TXNDC11: variants seen among roughly 807,000 people sequenced by gnomAD.
The protein encoded by TXNDC11 is thioredoxin domain-containing protein 11.
TXNDC11 carries 68 observed loss-of-function variants against 78.0 expected under a neutral mutation model. The observed-to-expected ratio is 0.87, with a 90% CI of 0.72 to 1.07. The LOEUF (loss-of-function observed/expected upper bound fraction) is 1.07. Ranked by LOEUF, TXNDC11 falls within the 50% of genes least tolerant of loss-of-function variation. TXNDC11 has a pLI of 0.00. For missense variants in TXNDC11, 1,389 were observed against 1,221.8 expected (o/e 1.14, Z -2.04); for synonymous variants, 571 against 495.2 (o/e 1.15, Z -2.03).
At chr16:11,725,701 A>G (rs2051857101) in intron 4 of TXNDC11, among the ~76,000 whole-genome samples, 1 of 152,250 alleles carries the variant, frequency 6.6e-6, no homozygotes, top group Non-Finnish European at 1.5e-5. Flanking sequence ...TGAAAACTGA[A>G]GAGCACTTCA....
chr16:11,728,817 T>A (rs1013559724), intron 4 of TXNDC11, among the ~76,000 whole-genome samples: 1 of 150,958 alleles, frequency 6.6e-6, no homozygotes, highest in Admixed American at 6.6e-5. Context: ...CTGGCCAACA[T>A]GGTGAAACCC....
rs1207056013 is a variant in TXNDC11, at chr16:11,679,379, A to G, written c.2693T>C (p.Val898Ala). The G allele has an allele frequency of 6.2e-7, 1 of 1,610,636 alleles. No homozygotes were observed. Among genetic ancestry groups the G allele is most frequent in the East Asian group, 2.2e-5 (1 of 44,812 alleles). Residue 898 changes from valine to alanine, a missense_variant, in exon 12 of 12, where the codon GTG becomes GCG. Physicochemically the swap from Val to Ala is moderately conservative, Grantham distance 64 (BLOSUM62 0). Coordinates refer to ENST00000283033, the MANE Select transcript of TXNDC11 (RefSeq NM_015914.7). This position sits in a 1 kb window ranked among gnomAD's most constrained non-coding sequence, Gnocchi z 4.6. ...LTENTWLKIL[V>A]ATMERKLEGR... Reference sequence around the variant, plus strand: ...CTCCAGTTTCCTCTCCATGGTCGCCACCAGGATCTTGAGCCACGTGTTCTC... The same window carrying G: ...CTCCAGTTTCCTCTCCATGGTCGCCGCCAGGATCTTGAGCCACGTGTTCTC...
At chr16:11,733,370 A>G (rs1344045123) in intron 3 of TXNDC11, among the ~76,000 whole-genome samples, 1 of 152,012 alleles carries the variant, frequency 6.6e-6, no homozygotes, top group Non-Finnish European at 1.5e-5. Context: ...CTAAAAATAC[A>G]AAAAAAATTA....
chr16:11,729,300 G>A (rs2141108297), intron 4 of TXNDC11, among the ~76,000 whole-genome samples: 1 of 152,274 alleles, frequency 6.6e-6, no homozygotes, highest in African/African-American at 2.4e-5. Context: ...TCACCCACCA[G>A]CCTGCCCAGG....
At chr16:11,683,128 A>T (rs1300518514) in intron 11 of TXNDC11, among the ~76,000 whole-genome samples, 1 of 152,204 alleles carries the variant, frequency 6.6e-6, no homozygotes, top group Non-Finnish European at 1.5e-5. Flanking sequence ...AAGGGAGCAA[A>T]CATCCAGTGT....
In TXNDC11 at chr16:11,733,975, T is replaced by C. The variant is rs1473120753; in HGVS notation, c.569+7A>G. On this transcript the variant is annotated splice_region_variant and intron_variant, in intron 3 of 11. Coordinates refer to ENST00000283033, the MANE Select transcript of TXNDC11 (RefSeq NM_015914.7). Reference sequence around the variant, plus strand: ...GGAATGAGAGACGCTATTTAAAAAGTTCTTACCTCCGATGATACAGATATA... The same window carrying C: ...GGAATGAGAGACGCTATTTAAAAAGCTCTTACCTCCGATGATACAGATATA... 4 of 1,595,210 alleles carry C rather than the reference T, an allele frequency of 2.5e-6. No homozygotes were observed. The East Asian group carries it at 9.0e-5, about 36-fold the overall frequency.
chr16:11,680,345 G>T (rs3784921), intron 11 of TXNDC11, among the ~76,000 whole-genome samples: 22,195 of 152,230 alleles, frequency 0.15, 2,592 homozygotes, highest in African/African-American at 0.31. Context: ...CTAAGGCAGG[G>T]GTTCTCAACT....
At chr16:11,731,107 G>C (rs562447049) in intron 3 of TXNDC11, among the ~76,000 whole-genome samples, 4 of 152,274 alleles carry the variant, frequency 2.6e-5, no homozygotes, top group African/African-American at 9.6e-5. Flanking sequence ...AAAACAGAGA[G>C]ACAACCCTGG....
At chr16:11,727,001 C>T (rs1247426995) in intron 4 of TXNDC11, among the ~76,000 whole-genome samples, 4 of 152,070 alleles carry the variant, frequency 2.6e-5, no homozygotes, top group African/African-American at 4.8e-5. Flanking sequence ...TGCGGTGAGA[C>T]GAGATTGCGC....
chr16:11,702,853 G>A (rs1439517011), intron 5 of TXNDC11, among the ~76,000 whole-genome samples: 2 of 152,198 alleles, frequency 1.3e-5, no homozygotes, highest in East Asian at 1.9e-4. Flanking sequence ...GTAAGGAGTG[G>A]CCGACAAGGA....
intron 7 of TXNDC11, among the ~76,000 whole-genome samples, chr16:11,697,283 G>A (rs1011510626): frequency 2.0e-5 from 3 of 152,220 alleles, no homozygotes; most frequent in Non-Finnish European, 4.4e-5. Flanking sequence ...CTCCAGGCAG[G>A]AGGCCAGGCC....
intron 7 of TXNDC11, among the ~76,000 whole-genome samples, chr16:11,693,748 C>G (rs2050781964): frequency 6.6e-6 from 1 of 152,152 alleles, no homozygotes; most frequent in African/African-American, 2.4e-5. Flanking sequence ...ACAAAAACAT[C>G]TCAGTGGTTT....
chr16:11,723,644 T>C (rs2051783986), intron 4 of TXNDC11, among the ~76,000 whole-genome samples: 1 of 152,074 alleles, frequency 6.6e-6, no homozygotes, highest in African/African-American at 2.4e-5. Context: ...AAACAGTACC[T>C]ATGTGCACAA....
At chr16:11,689,793 TA>T (rs997811479) in intron 8 of TXNDC11, among the ~76,000 whole-genome samples, 10 of 149,784 alleles carry the variant, frequency 6.7e-5, no homozygotes, top group Non-Finnish European at 8.9e-5. Flanking sequence ...CTTTCCCATT[TA>T]AAAAAAAAAT....
chr16:11,717,802 CAGAG>C (rs1304874958), intron 5 of TXNDC11, among the ~76,000 whole-genome samples: 5 of 150,834 alleles, frequency 3.3e-5, no homozygotes, highest in African/African-American at 9.8e-5. Flanking sequence ...GCCTGAACGA[CAGAG>C]AGAGACTCTG....
At chr16:11,708,994 A>G (rs1296946022) in intron 5 of TXNDC11, among the ~76,000 whole-genome samples, 1 of 152,214 alleles carries the variant, frequency 6.6e-6, no homozygotes. Context: ...GTGATGTTAT[A>G]TATTTCCAAT....
intron 7 of TXNDC11, 159 bp from the exon 8 acceptor site, chr16:11,692,241 T>TA (rs142815307): frequency 0.048 from 30,772 of 642,316 alleles, 2,064 homozygotes; most frequent in East Asian, 0.21. Flanking sequence ...TCGTAAGTTT[T>TA]AAACTACATG....
chr16:11,684,105 A>G (rs2050502971), intron 11 of TXNDC11, 60 bp downstream of exon 11: 1 of 1,208,252 alleles, frequency 8.3e-7, no homozygotes, highest in African/African-American at 1.5e-5. Context: ...AACCCATTTC[A>G]TTTTCAGACC....
chr16:11,681,901 C>T (rs2050435049), intron 11 of TXNDC11, among the ~76,000 whole-genome samples: 1 of 152,200 alleles, frequency 6.6e-6, no homozygotes, highest in African/African-American at 2.4e-5. Context: ...TCAAGACATG[C>T]TCTTTGTAGA....
Sources: allele counts gnomAD v4.1 joint callset (sites outside exome capture counted in the v4.1 genomes callset), GRCh38; gene constraint gnomAD v4.1.1; non-coding constraint Gnocchi (gnomAD v3.1); transcripts MANE v1.5; gene names NCBI Gene and HGNC (gene_info 2026-07-23, HGNC 2026-07-21).